GALNT13: variants seen among roughly 807,000 people sequenced by gnomAD.
GALNT13 encodes UDP-GalNAc:polypeptide N-acetylgalactosaminyltransferase 13.
In GALNT13, 28 loss-of-function variants were observed where a neutral mutation model predicts 64.2. That is an observed-to-expected ratio of 0.44 (90% confidence interval 0.32 to 0.60). GALNT13 has a LOEUF of 0.60. Among genes scored for constraint, GALNT13 ranks in the 20% least tolerant of loss-of-function variants. The pLI, the probability that GALNT13 is intolerant of heterozygous loss-of-function variation, is 0.05. For missense variants in GALNT13, 577 were observed against 669.8 expected (o/e 0.86, Z 1.53); for synonymous variants, 214 against 224.6 (o/e 0.95, Z 0.42).
chr2:153,867,736 T>C (rs1343243814), upstream of GALNT13, among the ~76,000 whole-genome samples: 3 of 151,076 alleles, frequency 2.0e-5, no homozygotes, highest in Non-Finnish European at 2.9e-5. Flanking sequence ...TGATGGGAGA[T>C]AGTGACAGAT....
the GALNT13 span, among the ~76,000 whole-genome samples, chr2:153,455,321 A>C: frequency 6.6e-6 from 1 of 152,222 alleles, no homozygotes; most frequent in Admixed American, 6.5e-5. Context: ...GCAGCTGGGA[A>C]GTACTGAAGT....
At chr2:153,708,851 T>C in the GALNT13 span, among the ~76,000 whole-genome samples, 2 of 152,100 alleles carry the variant, frequency 1.3e-5, no homozygotes, top group African/African-American at 4.8e-5. Flanking sequence ...GTATATGTTC[T>C]GTCCATTGAT....
the GALNT13 span, among the ~76,000 whole-genome samples, chr2:153,650,036 A>C: frequency 6.6e-6 from 1 of 151,968 alleles, no homozygotes; most frequent in African/African-American, 2.4e-5. Context: ...TTTCTGTCTC[A>C]TTGATCTGTC....
the GALNT13 span, among the ~76,000 whole-genome samples, chr2:153,630,803 A>T: frequency 0.033 from 583 of 17,520 alleles, 13 homozygotes; most frequent in East Asian, 0.12. Flanking sequence ...ATATATATAT[A>T]TATATTTTTT....
At chr2:153,200,162 C>G in the GALNT13 span, among the ~76,000 whole-genome samples, 2 of 152,140 alleles carry the variant, frequency 1.3e-5, no homozygotes, top group East Asian at 3.9e-4. Context: ...AGACTGAAAT[C>G]AGGTATCTGA....
the GALNT13 span, among the ~76,000 whole-genome samples, chr2:153,376,908 A>T: frequency 6.6e-6 from 1 of 152,324 alleles, no homozygotes; most frequent in Non-Finnish European, 1.5e-5. Flanking sequence ...GGGTGAATGT[A>T]TATAAGTACT....
intron 3 of GALNT13, among the ~76,000 whole-genome samples, chr2:153,951,759 A>G (rs901959385): frequency 6.6e-6 from 1 of 152,154 alleles, no homozygotes; most frequent in African/African-American, 2.4e-5. Context: ...TAAATATCAA[A>G]CTTGAAAAAA....
chr2:153,975,740 G>GT (rs1279809956), intron 3 of GALNT13, among the ~76,000 whole-genome samples: 1 of 152,104 alleles, frequency 6.6e-6, no homozygotes, highest in Non-Finnish European at 1.5e-5. Flanking sequence ...GTGGGGAGAT[G>GT]ATGTATAGCT....
the GALNT13 span, among the ~76,000 whole-genome samples, chr2:153,358,950 A>C: frequency 6.6e-6 from 1 of 152,316 alleles, no homozygotes; most frequent in South Asian, 2.1e-4. Context: ...ATACAAAAAA[A>C]TATTTTGGAT....
the GALNT13 span, among the ~76,000 whole-genome samples, chr2:153,453,013 G>A: frequency 1.3e-5 from 2 of 152,016 alleles, no homozygotes; most frequent in Admixed American, 1.3e-4. Context: ...GTTAATAAGT[G>A]GAAAAATGAC....
At chr2:153,735,543 A>G in the GALNT13 span, among the ~76,000 whole-genome samples, 1 of 152,196 alleles carries the variant, frequency 6.6e-6, no homozygotes. Context: ...CTATGGTAAG[A>G]TGACCACCAT....
At chr2:153,618,573 T>C in the GALNT13 span, among the ~76,000 whole-genome samples, 1 of 151,898 alleles carries the variant, frequency 6.6e-6, no homozygotes, top group East Asian at 1.9e-4. Flanking sequence ...CAATGCATAT[T>C]TGTTGATTTT....
chr2:153,884,371 A>G (rs1686990175), intron 1 of GALNT13, among the ~76,000 whole-genome samples: 1 of 152,028 alleles, frequency 6.6e-6, no homozygotes, highest in Non-Finnish European at 1.5e-5. Context: ...ATCCATAAAG[A>G]TATTGGGATT....
At chr2:153,137,542 A>G in the GALNT13 span, among the ~76,000 whole-genome samples, 2 of 152,132 alleles carry the variant, frequency 1.3e-5, no homozygotes, top group Admixed American at 6.6e-5. Flanking sequence ...TTGGAATTCA[A>G]TTGGGTTTGG....
intron 4 of GALNT13, among the ~76,000 whole-genome samples, chr2:154,186,761 G>T (rs1686273196): frequency 6.6e-6 from 1 of 152,092 alleles, no homozygotes; most frequent in African/African-American, 2.4e-5. Flanking sequence ...TTGACCCTGA[G>T]TGCACAAAAG....
chr2:153,909,542 T>G (rs975747255), intron 2 of GALNT13, among the ~76,000 whole-genome samples: 2 of 151,936 alleles, frequency 1.3e-5, no homozygotes, highest in African/African-American at 2.4e-5. Flanking sequence ...TTTTGCCCAT[T>G]TATGTGATGT....
chr2:153,743,370 A>G, the GALNT13 span, among the ~76,000 whole-genome samples: 1 of 152,112 alleles, frequency 6.6e-6, no homozygotes, highest in Non-Finnish European at 1.5e-5. Context: ...AAGTGCAGAC[A>G]TCTCTTTGGC....
intron 9 of GALNT13, among the ~76,000 whole-genome samples, chr2:154,390,990 G>T (rs1196870014): frequency 6.6e-6 from 1 of 152,184 alleles, no homozygotes; most frequent in Non-Finnish European, 1.5e-5. Context: ...CTTGTACAGA[G>T]CTTGACCACA....
At chr2:153,923,011 T>C (rs2105340159) in intron 2 of GALNT13, among the ~76,000 whole-genome samples, 1 of 152,224 alleles carries the variant, frequency 6.6e-6, no homozygotes, top group East Asian at 1.9e-4. Flanking sequence ...GCAATTCTCC[T>C]GCCTCAGCCT....
Sources: allele counts gnomAD v4.1 joint callset (sites outside exome capture counted in the v4.1 genomes callset), GRCh38; gene constraint gnomAD v4.1.1; transcripts MANE v1.5; gene names NCBI Gene and HGNC (gene_info 2026-07-23, HGNC 2026-07-21).